KCNU1: variants seen among roughly 807,000 people sequenced by gnomAD.
KCNU1 encodes potassium channel subfamily U member 1.
KCNU1 carries 93 observed loss-of-function variants against 126.8 expected under a neutral mutation model. That is an observed-to-expected ratio of 0.73 (90% CI 0.62 to 0.87). The LOEUF (loss-of-function observed/expected upper bound fraction) is 0.87. Ranked by LOEUF, KCNU1 falls within the 40% of genes least tolerant of loss-of-function variation. The pLI is 0.00. For synonymous variants in KCNU1, 523 were observed against 494.2 expected, an observed-to-expected ratio of 1.06 and a Z score of -0.77; for missense variants, 1,330 against 1,367.1, an observed-to-expected ratio of 0.97 and a Z score of 0.43.
At chr8:36,830,135 TTATAAA>T in intron 10 of KCNU1, among the ~76,000 whole-genome samples, 1 of 150,210 alleles carries the variant, frequency 6.7e-6, no homozygotes, top group South Asian at 2.1e-4. Context: ...TTGTAAATCT[TTATAAA>T]TAAAATAAAT....
At chr8:36,802,087 G>C (rs6992684) in intron 2 of KCNU1, among the ~76,000 whole-genome samples, 38,632 of 124,160 alleles carry the variant, frequency 0.31, 6,537 homozygotes, top group African/African-American at 0.5. Flanking sequence ...GCAGCCTGGG[G>C]AAAAGAGCGA....
chr8:36,929,026 T>A (rs1808616931), intron 24 of KCNU1: 1 of 699,250 alleles, frequency 1.4e-6, no homozygotes, highest in Admixed American at 2.0e-5. Context: ...TACTTAATCC[T>A]GCAAGCAATG....
intron 7 of KCNU1, among the ~76,000 whole-genome samples, chr8:36,809,409 C>T (rs1001615671): frequency 3.3e-5 from 5 of 152,154 alleles, no homozygotes; most frequent in African/African-American, 1.2e-4. Context: ...ATGTTAAAAG[C>T]CCGCAAAAGC....
intron 18 of KCNU1, among the ~76,000 whole-genome samples, chr8:36,850,743 C>T (rs1198930478): frequency 2.0e-5 from 3 of 152,170 alleles, no homozygotes; most frequent in South Asian, 2.1e-4. Flanking sequence ...AGGCATGAGC[C>T]GATGTGCCCA....
At chr8:36,807,268 C>A in intron 5 of KCNU1, 107 bp from the exon 6 acceptor site, 3 of 794,018 alleles carry the variant, frequency 3.8e-6, no homozygotes, top group Non-Finnish European at 4.4e-6. Context: ...ATTTGGAACA[C>A]GTCTAGAAGA....
chr8:36,876,224 T>C (rs1203473036), intron 19 of KCNU1, among the ~76,000 whole-genome samples: 1 of 152,068 alleles, frequency 6.6e-6, no homozygotes, highest in Non-Finnish European at 1.5e-5. Context: ...AAATACAAAA[T>C]CTATGAACCC....
chr8:36,902,183 G>A (rs2117492651), intron 19 of KCNU1, among the ~76,000 whole-genome samples: 1 of 152,124 alleles, frequency 6.6e-6, no homozygotes, highest in Admixed American at 6.6e-5. Context: ...TTAAATATCG[G>A]TCTCCAACAG....
At chr8:36,922,746 C>T (rs1173419259) in intron 24 of KCNU1, 117 bp downstream of exon 24, 1 of 1,063,246 alleles carries the variant, frequency 9.4e-7, no homozygotes, top group Non-Finnish European at 1.3e-6. Flanking sequence ...CTTTGATTTT[C>T]AAAAACAAGC....
intron 24 of KCNU1, among the ~76,000 whole-genome samples, chr8:36,924,965 G>A (rs1808485137): frequency 6.6e-6 from 1 of 152,132 alleles, no homozygotes; most frequent in African/African-American, 2.4e-5. Context: ...GAAGAGTAAG[G>A]ACAACAACGA....
intron 14 of KCNU1, among the ~76,000 whole-genome samples, chr8:36,837,485 C>T (rs1804794276): frequency 6.6e-6 from 1 of 152,058 alleles, no homozygotes; most frequent in South Asian, 2.1e-4. Context: ...TGTGTTTCCC[C>T]TCAATAATAT....
chr8:36,917,294 T>C (rs948097784), intron 22 of KCNU1, among the ~76,000 whole-genome samples: 1 of 152,094 alleles, frequency 6.6e-6, no homozygotes, highest in Non-Finnish European at 1.5e-5. Flanking sequence ...AATGCCATTA[T>C]GGTGTGTTTT....
intron 2 of KCNU1, among the ~76,000 whole-genome samples, chr8:36,789,997 C>G (rs900065443): frequency 1.3e-5 from 2 of 152,150 alleles, no homozygotes; most frequent in African/African-American, 4.8e-5. Context: ...CAAAGGGAAT[C>G]ACTCTATTCT....
chr8:36,872,162 T>C (rs933850821), intron 19 of KCNU1, among the ~76,000 whole-genome samples: 2 of 152,176 alleles, frequency 1.3e-5, no homozygotes, highest in Non-Finnish European at 2.9e-5. Context: ...CAACATCTAT[T>C]ATTTAAAACT....
intron 20 of KCNU1, among the ~76,000 whole-genome samples, chr8:36,907,238 G>T (rs966849146): frequency 1.3e-5 from 2 of 152,076 alleles, no homozygotes; most frequent in African/African-American, 2.4e-5. Context: ...AAGTAGAAAT[G>T]ATCAATTTAA....
intron 18 of KCNU1, among the ~76,000 whole-genome samples, chr8:36,858,930 T>C (rs1176942420): frequency 1.3e-5 from 2 of 152,198 alleles, no homozygotes; most frequent in Admixed American, 6.5e-5. Flanking sequence ...ATAATTTCTT[T>C]TTCCTACCCT....
intron 6 of KCNU1, among the ~76,000 whole-genome samples, chr8:36,808,127 T>C (rs1469057001): frequency 6.6e-6 from 1 of 152,160 alleles, no homozygotes; most frequent in Non-Finnish European, 1.5e-5. Context: ...GAAAGCCTGG[T>C]CCTGTGTGAC....
chr8:36,906,438 C>T (rs932658785), intron 20 of KCNU1, among the ~76,000 whole-genome samples: 4 of 152,058 alleles, frequency 2.6e-5, no homozygotes, highest in Non-Finnish European at 1.5e-5. Context: ...AGTCTTGTAT[C>T]CTAACCCAGG....
chr8:36,803,176 A>G (rs1417196568), intron 2 of KCNU1, among the ~76,000 whole-genome samples: 3 of 152,218 alleles, frequency 2.0e-5, no homozygotes, highest in Non-Finnish European at 4.4e-5. Flanking sequence ...GAAATGGTTA[A>G]TAGAGATGAA....
intron 18 of KCNU1, among the ~76,000 whole-genome samples, chr8:36,848,074 T>A (rs1805214355): frequency 6.6e-6 from 1 of 152,250 alleles, no homozygotes; most frequent in South Asian, 2.1e-4. Context: ...TAATTAATGA[T>A]GTTAAACATA....
Sources: gnomAD v4.1 joint callset for allele counts (sites outside exome capture counted in the v4.1 genomes callset) on GRCh38, gnomAD v4.1.1 for gene constraint, MANE v1.5 for transcripts, NCBI Gene and HGNC (gene_info 2026-07-23, HGNC 2026-07-21) for gene names.